CCNJL: variants seen among roughly 807,000 people sequenced by gnomAD.
CCNJL encodes cyclin-J-like protein.
Under a neutral mutation model 33.4 loss-of-function variants are expected in CCNJL, and 33 were observed. The observed-to-expected ratio is 0.99, with a 90% confidence interval of 0.75 to 1.32. CCNJL has a LOEUF of 1.32. Ranked by LOEUF, CCNJL falls within the 40% of genes most tolerant of loss-of-function variation. The pLI, the probability that CCNJL is intolerant of heterozygous loss-of-function variation, is 0.00. For missense variants in CCNJL, 512 were observed against 499.7 expected (o/e 1.02, Z -0.23); for synonymous variants, 227 against 220.9 (o/e 1.03, Z -0.24).
At chr5:160,263,645 C>T (rs1174744317) in intron 3 of CCNJL, among the ~76,000 whole-genome samples, 1 of 152,220 alleles carries the variant, frequency 6.6e-6, no homozygotes. Flanking sequence ...GGAAACGTCA[C>T]TTTGTCCTGG....
chr5:160,271,586 C>G (rs1273902864), intron 3 of CCNJL, among the ~76,000 whole-genome samples: 2 of 152,224 alleles, frequency 1.3e-5, no homozygotes, highest in Non-Finnish European at 2.9e-5. Flanking sequence ...GTCCTCCGCT[C>G]ACTGTGCTGT....
intron 2 of CCNJL, among the ~76,000 whole-genome samples, chr5:160,291,314 G>A (rs552878365): frequency 1.3e-5 from 2 of 152,170 alleles, no homozygotes; most frequent in Non-Finnish European, 2.9e-5. Flanking sequence ...TGGCACACTA[G>A]TCCCAAGATA....
chr5:160,270,847 A>G (rs1303376166), intron 3 of CCNJL, among the ~76,000 whole-genome samples: 1 of 152,216 alleles, frequency 6.6e-6, no homozygotes, highest in Admixed American at 6.5e-5. Context: ...AGCTAGCAGA[A>G]TAACTGCCAG....
At chr5:160,337,057 G>C (rs565431166) in intron 1 of CCNJL, among the ~76,000 whole-genome samples, 10 of 139,422 alleles carry the variant, frequency 7.2e-5, no homozygotes, top group Admixed American at 6.3e-4. Context: ...AGCTTGGAGA[G>C]CAGTGGCACG....
intron 2 of CCNJL, among the ~76,000 whole-genome samples, chr5:160,286,443 G>A (rs1762408361): frequency 6.6e-6 from 1 of 152,158 alleles, no homozygotes; most frequent in African/African-American, 2.4e-5. Context: ...TTCAAGACCA[G>A]CCTGGTCGTC....
intron 1 of CCNJL, among the ~76,000 whole-genome samples, chr5:160,325,499 T>G (rs10064049): frequency 0.069 from 10,545 of 152,226 alleles, 1,275 homozygotes; most frequent in African/African-American, 0.24. Flanking sequence ...AAACTTTACC[T>G]AACTGTTAAA....
intron 2 of CCNJL, among the ~76,000 whole-genome samples, chr5:160,301,455 A>AT (rs1435301969): frequency 1.3e-5 from 2 of 148,796 alleles, no homozygotes; most frequent in African/African-American, 5.0e-5. Context: ...TTTTTTTGAG[A>AT]TGGAGTCTCA....
intron 1 of CCNJL, among the ~76,000 whole-genome samples, chr5:160,327,792 C>A (rs757275789): frequency 1.3e-5 from 2 of 152,232 alleles, no homozygotes; most frequent in Non-Finnish European, 2.9e-5. Context: ...TTTCTGGCAA[C>A]ATTATCCAAA....
At chr5:160,283,821 T>C (rs1198866599) in intron 2 of CCNJL, among the ~76,000 whole-genome samples, 1 of 151,014 alleles carries the variant, frequency 6.6e-6, no homozygotes, top group East Asian at 2.0e-4. Flanking sequence ...TCTATGTCCA[T>C]GAGTTCAATT....
intron 1 of CCNJL, among the ~76,000 whole-genome samples, chr5:160,331,790 T>G (rs1268944582): frequency 6.6e-6 from 1 of 152,174 alleles, no homozygotes; most frequent in Non-Finnish European, 1.5e-5. Flanking sequence ...TCACCATCAT[T>G]AAGCACAAAT....
chr5:160,301,222 T>A (rs1762909592), intron 2 of CCNJL, among the ~76,000 whole-genome samples: 1 of 152,152 alleles, frequency 6.6e-6, no homozygotes, highest in South Asian at 2.1e-4. Context: ...AATAAACTCC[T>A]GATAGACACA....
Position 160,251,098 on chromosome 5 carries a change from A to T in CCNJL, c.*2280T>A, listed in dbSNP as rs1174799196. The T allele has an allele frequency of 6.6e-6, 1 of 152,178 alleles. No homozygotes were observed. Among genetic ancestry groups the T allele is most frequent in the Non-Finnish European group, 1.5e-5 (1 of 68,034 alleles). 9.4% of individuals were successfully genotyped at this position (152,178 alleles called of 1,614,324 possible). On this transcript the variant is annotated 3_prime_UTR_variant, in exon 6 of 6. Coordinates refer to ENST00000257536, the MANE Select transcript of CCNJL (RefSeq NM_001308173.3). ...TGCTGTCAAGGTATTTTTAGATGTG[A>T]TTAACATTTACAATCAGTTGACTTT...
chr5:160,339,101 A>G (rs1763718498), intron 1 of CCNJL, among the ~76,000 whole-genome samples: 1 of 152,014 alleles, frequency 6.6e-6, no homozygotes, highest in African/African-American at 2.4e-5. Context: ...ACTACTCTTA[A>G]ACCTCAAAAA....
intron 1 of CCNJL, among the ~76,000 whole-genome samples, chr5:160,338,245 A>G (rs540715413): frequency 1.3e-5 from 2 of 152,232 alleles, no homozygotes; most frequent in African/African-American, 4.8e-5. Flanking sequence ...AAAAAACACA[A>G]AAAAGCTAAC....
intron 3 of CCNJL, among the ~76,000 whole-genome samples, chr5:160,265,099 T>C (rs1385730411): frequency 6.6e-6 from 1 of 152,146 alleles, no homozygotes; most frequent in Non-Finnish European, 1.5e-5. Context: ...TTCAGCATTC[T>C]CTCATTCCTG....
rs1333689243 is a variant in CCNJL, at chr5:160,312,427, C to A, written c.-113G>T. On this transcript the variant is annotated 5_prime_UTR_variant, in exon 1 of 6. Transcript: ENST00000257536. ...CCCTCCCAGTGCCGAGCCAGCCGTG[C>A]CCTCTGGTGCCTGCCGGCGGTTGGA... 1 of 153,040 alleles carries A rather than the reference C, an allele frequency of 6.5e-6. No homozygotes were observed. Among genetic ancestry groups the A allele is most frequent in the African/African-American group, 2.4e-5 (1 of 41,444 alleles). 9.5% of individuals were successfully genotyped at this position (153,040 alleles called of 1,614,324 possible). A position where few individuals can be genotyped will look rare whatever the true frequency, so the allele number is the denominator to read the frequency against.
At chr5:160,262,241 C>CAGCA (rs1178159095) in intron 3 of CCNJL, among the ~76,000 whole-genome samples, 1 of 152,164 alleles carries the variant, frequency 6.6e-6, no homozygotes, top group African/African-American at 2.4e-5. Context: ...TGCTGGCAGC[C>CAGCA]AGCAATCTCT....
chr5:160,269,937 G>A (rs1006048645), intron 3 of CCNJL, among the ~76,000 whole-genome samples: 2 of 152,262 alleles, frequency 1.3e-5, no homozygotes, highest in South Asian at 2.1e-4. Flanking sequence ...TGATACTTGC[G>A]GAAAATACAA....
intron 2 of CCNJL, among the ~76,000 whole-genome samples, chr5:160,309,693 A>C (rs1383301226): frequency 6.6e-6 from 1 of 152,212 alleles, no homozygotes; most frequent in Non-Finnish European, 1.5e-5. Context: ...TTTTTGAAGA[A>C]GCATTTTCTT....
Sources: gnomAD v4.1 joint callset for allele counts (sites outside exome capture counted in the v4.1 genomes callset) on GRCh38, gnomAD v4.1.1 for gene constraint, MANE v1.5 for transcripts, NCBI Gene and HGNC (gene_info 2026-07-23, HGNC 2026-07-21) for gene names.